Variants in VEZF1 observed in about 807,000 individuals in gnomAD.
VEZF1 encodes putative transcription factor DB1.
VEZF1 carries 5 observed loss-of-function variants against 44.1 expected under a neutral mutation model. The observed-to-expected ratio is 0.11, with a 90% confidence interval of 0.06 to 0.24. VEZF1 has a LOEUF of 0.24. Among genes scored for constraint, VEZF1 ranks in the 10% least tolerant of loss-of-function variants. The pLI is 1.00. For missense variants in VEZF1, 358 were observed against 641.8 expected (o/e 0.56, Z 4.78); for synonymous variants, 236 against 233.1 (o/e 1.01, Z -0.11).
chr17:57,977,518 G>C (rs1419451180), intron 5 of VEZF1, among the ~76,000 whole-genome samples: 1 of 152,140 alleles, frequency 6.6e-6, no homozygotes, highest in Non-Finnish European at 1.5e-5. Flanking sequence ...ACGGACTGCT[G>C]CATTCTTTTC....
chr17:57,986,462 A>G (rs1018852444), intron 1 of VEZF1, among the ~76,000 whole-genome samples: 1 of 152,204 alleles, frequency 6.6e-6, no homozygotes, highest in Admixed American at 6.5e-5. Context: ...ACCTGGATGC[A>G]TGCTAGTTAT....
Position 57,973,741 on chromosome 17 carries a change from T to TA in VEZF1, c.*731dup, listed in dbSNP as rs1304897729. 1.3e-5 allele frequency: 2 copies of TA among 151,238 alleles called. No individual in the cohort carries two copies. The highest frequency in any genetic ancestry group is 4.9e-5 in the African/African-American group (2 of 40,788). 9.4% of individuals were successfully genotyped at this position (151,238 alleles called of 1,614,324 possible). A position where few individuals can be genotyped will look rare whatever the true frequency, so the allele number is the denominator to read the frequency against. On this transcript the variant is annotated 3_prime_UTR_variant, in exon 6 of 6. Coordinates refer to ENST00000581208, the MANE Select transcript of VEZF1 (RefSeq NM_007146.3). ...CAAAACACAATTTGTAGATTTTTTT[T>TA]AAATTTTTTTTTTTTTTAAAAAGTC...
chr17:57,984,579 G>A (rs1281461783), intron 1 of VEZF1, among the ~76,000 whole-genome samples: 1 of 152,080 alleles, frequency 6.6e-6, no homozygotes, highest in Non-Finnish European at 1.5e-5. Context: ...TGTCCTACTA[G>A]GGGCCCATCC....
chr17:57,980,737 A>G lies in VEZF1; in HGVS notation c.842T>C (p.Val281Ala). The change falls in exon 4 of 6, where the codon GTG becomes GCG. Residue 281 changes from valine (V) to alanine (A), a missense_variant. Val to Ala is a moderately conservative substitution (Grantham distance 64). This residue lies in a region of VEZF1 where 48 missense variants were observed against 144.9 expected (regional missense o/e 0.33). Transcript: ENST00000581208. ...ATKDRLRTHM[V>A]RHEGKVSCNI... ...ACATGATACCTTGCCTTCATGGCGCACCATGTGTGTCCGCAGTCTGTCTTT... is the reference window on the plus strand; with the variant it reads ...ACATGATACCTTGCCTTCATGGCGCGCCATGTGTGTCCGCAGTCTGTCTTT... 1 of 1,614,210 alleles carries G rather than the reference A, an allele frequency of 6.2e-7. No homozygotes were observed.
At chr17:57,986,247 A>G (rs954137385) in intron 1 of VEZF1, 4 of 152,230 alleles carry the variant, frequency 2.6e-5, no homozygotes, top group Non-Finnish European at 4.4e-5. Flanking sequence ...AAAGTATTTC[A>G]AAAGATTTTT....
At position 57,980,709 on chromosome 17, in the gene VEZF1, G is replaced by A. The variant is rs1461165975; in HGVS notation, c.870C>T (p.Asn290=). 1 of 1,614,208 alleles carries A rather than the reference G, an allele frequency of 6.2e-7. No homozygotes were observed. The highest frequency in any genetic ancestry group is 2.2e-5 in the East Asian group (1 of 44,882). Residue 290 remains asparagine (N), a synonymous_variant, in exon 4 of 6, where the codon AAC becomes AAT. Transcript: ENST00000581208. ...MVRHEGKVSC[N]ICGKLLSAAY... ...CTGCACTCAGGAGCTTCCCACAGAT[G>A]TTACATGATACCTTGCCTTCATGGC...
At chr17:57,979,075 C>T (rs879126049) in intron 5 of VEZF1, 77 bp downstream of exon 5, 29 of 1,534,532 alleles carry the variant, frequency 1.9e-5, no homozygotes, top group Middle Eastern at 2.4e-4. Flanking sequence ...ACTGTGGCTT[C>T]TCTACTTTGA....
At chr17:57,975,597 A>G (rs2075182066) in intron 5 of VEZF1, among the ~76,000 whole-genome samples, 1 of 152,252 alleles carries the variant, frequency 6.6e-6, no homozygotes, top group South Asian at 2.1e-4. Context: ...ATTAGGAAAG[A>G]AAAAAATACT....
At chr17:57,984,549 C>T (rs2075278522) in intron 1 of VEZF1, among the ~76,000 whole-genome samples, 1 of 152,130 alleles carries the variant, frequency 6.6e-6, no homozygotes, top group Non-Finnish European at 1.5e-5. Flanking sequence ...AGAGGAGTTT[C>T]AAATATTTTA....
Position 57,983,212 on chromosome 17 carries a change from G to A in VEZF1, c.215C>T (p.Thr72Ile). 6.2e-7 allele frequency: 1 copy of A among 1,614,004 alleles called. No individual in the cohort carries two copies. Among genetic ancestry groups the A allele is most frequent in the South Asian group, 1.1e-5 (1 of 91,074 alleles). The change falls in exon 2 of 6, where the codon ACT becomes ATT. Residue 72 changes from threonine to isoleucine, a missense_variant. By Grantham distance (89) the Thr-to-Ile change is moderately conservative (BLOSUM62 -1). Around this residue, in one of 4 missense-constraint regions of VEZF1, gnomAD observed 117 missense variants for 207.2 expected, o/e 0.56. Coordinates refer to ENST00000581208, the MANE Select transcript of VEZF1 (RefSeq NM_007146.3). Reference sequence around the variant, plus strand: ...ACTGCAGTAAGTGCACACAAATGAAGTTTTGGGTTTTTCTTTTTTAATCCC... The same window carrying A: ...ACTGCAGTAAGTGCACACAAATGAAATTTTGGGTTTTTCTTTTTTAATCCC... The part of the protein sequence containing the change: ...AIGIKKEKPK[T>I]SFVCTYCSKA...
chr17:57,981,374 G>A (rs536900153), intron 3 of VEZF1, among the ~76,000 whole-genome samples: 27 of 151,988 alleles, frequency 1.8e-4, no homozygotes, highest in Non-Finnish European at 3.2e-4. Context: ...TAATGTTTTC[G>A]TTATTATAAT....
At position 57,980,587 on chromosome 17, in the gene VEZF1, C is replaced by A; in HGVS notation, c.976+16G>T. ...ATCTGAAATATAAAAGAAAGAAAAT[C>A]TGAAGCACCACCTACTTTTACTGAT... On this transcript the variant is annotated intron_variant, in intron 4 of 5. Transcript: ENST00000581208. The A allele has an allele frequency of 6.2e-7, 1 of 1,609,478 alleles. No individual in the cohort carries two copies. The highest frequency in any genetic ancestry group is 1.3e-5 in the African/African-American group (1 of 74,850).
rs55958960 is a variant in VEZF1, at chr17:57,975,776, G to A, written c.1139-876C>T. The stretch of plus-strand genomic sequence containing the variant: ...ACCCTGCAGTGAGTTAGAGGACCCT[G>A]GTCCTTCTTATCCAACAAAACCTGG... On this transcript the variant is annotated intron_variant, in intron 5 of 5. Transcript: ENST00000581208. Among the ~76,000 whole-genome samples, 1,193 of 152,202 alleles carry A rather than the reference G, an allele frequency of 7.8e-3. 4 individuals are homozygous for A. Among genetic ancestry groups the A allele is most frequent in the Middle Eastern group, 0.024 (7 of 294 alleles).
chr17:57,981,867 T>G lies in VEZF1; in HGVS notation c.792+6A>C, dbSNP rs762486650. ...TACACTAAGGATAAGTCATTTTAAC[T>G]CTTACTTGGCATTTGAAGGGTCTTT... On this transcript the variant is annotated splice_donor_region_variant and intron_variant, in intron 3 of 5. Transcript: ENST00000581208. 7 of 1,613,698 alleles carry G rather than the reference T, an allele frequency of 4.3e-6. No individual in the cohort carries two copies. The East Asian group carries it at 1.6e-4, about 36-fold the overall frequency.
intron 4 of VEZF1, among the ~76,000 whole-genome samples, chr17:57,980,297 G>A (rs967318380): frequency 3.4e-4 from 51 of 152,186 alleles, no homozygotes; most frequent in African/African-American, 1.2e-3. Flanking sequence ...TTTAAGGCAA[G>A]CAAAGCATTT....
Position 57,974,194 on chromosome 17 carries a change from T to A in VEZF1, c.*279A>T. 4.5e-6 allele frequency: 2 copies of A among 441,232 alleles called. No individual in the cohort carries two copies. Among genetic ancestry groups the A allele is most frequent in the Non-Finnish European group, 8.1e-6 (2 of 246,544 alleles). The allele number at this position is 441,232 out of a possible 1,614,324, so 27.3% of individuals were successfully genotyped here. A position where few individuals can be genotyped will look rare whatever the true frequency, so the allele number is the denominator to read the frequency against. Reference sequence around the variant, plus strand: ...GAAGTGGGTTCTACTTATGATTGGTTTTAATTCTGGCATTTCATCTTGCCA... The same window carrying A: ...GAAGTGGGTTCTACTTATGATTGGTATTAATTCTGGCATTTCATCTTGCCA... On this transcript the variant is annotated 3_prime_UTR_variant, in exon 6 of 6. Transcript: ENST00000581208.
intron 1 of VEZF1, among the ~76,000 whole-genome samples, chr17:57,983,667 G>A (rs183226859): frequency 6.6e-6 from 1 of 152,100 alleles, no homozygotes; most frequent in East Asian, 1.9e-4. Flanking sequence ...GGTTCATAAG[G>A]GACAGACCAG....
chr17:57,985,695 A>G (rs2075287782), intron 1 of VEZF1, among the ~76,000 whole-genome samples: 1 of 152,350 alleles, frequency 6.6e-6, no homozygotes, highest in East Asian at 1.9e-4. Flanking sequence ...CACCCAGGGT[A>G]GTAGGATATG....
intron 1 of VEZF1, chr17:57,985,575 C>G (rs1220867218): frequency 1.8e-5 from 8 of 450,380 alleles, no homozygotes; most frequent in Non-Finnish European, 1.8e-5. Flanking sequence ...ATCATCAAAC[C>G]AAAGTTTTAA....
Sources: gnomAD v4.1 joint callset for allele counts (sites outside exome capture counted in the v4.1 genomes callset) on GRCh38, gnomAD v4.1.1 for gene constraint, gnomAD v4.1.1 regional missense constraint, MANE v1.5 for transcripts, NCBI Gene and HGNC (gene_info 2026-07-23, HGNC 2026-07-21) for gene names.